Variants in LTBP4 observed in about 807,000 individuals in gnomAD.
LTBP4 encodes latent-transforming growth factor beta-binding protein 4.
LTBP4 carries 93 observed loss-of-function variants against 180.2 expected under a neutral mutation model. That is an observed-to-expected ratio of 0.52 (90% CI 0.44 to 0.61). LTBP4 has a LOEUF of 0.61. Among genes scored for constraint, LTBP4 ranks in the 20% least tolerant of loss-of-function variants. The pLI is 0.00. For missense variants in LTBP4, 2,116 were observed against 2,256.5 expected (o/e 0.94, Z 1.26); for synonymous variants, 947 against 934.5 (o/e 1.01, Z -0.24).
chr19:40,622,983 G>A lies in LTBP4; in HGVS notation c.3518G>A (p.Gly1173Asp). 6.2e-7 allele frequency: 1 copy of A among 1,613,030 alleles called. No individual in the cohort carries two copies. The highest frequency in any genetic ancestry group is 8.5e-7 in the Non-Finnish European group (1 of 1,179,606). The change falls in exon 24 of 30, where the codon GGC becomes GAC. Residue 1173 changes from glycine to aspartate, a missense_variant. By Grantham distance (94) the Gly-to-Asp change is moderately conservative. Around this residue, in one of 5 missense-constraint regions of LTBP4, gnomAD observed 278 missense variants for 373.0 expected, o/e 0.75. Coordinates refer to ENST00000396819, the MANE Select transcript of LTBP4 (RefSeq NM_001042545.2). The surrounding 1 kb of genome is among the most constrained non-coding windows in gnomAD (Gnocchi z 5.1). Reference protein sequence around the residue: ...EYQSLCPHGRGYLAPSGDLSL... With the variant: ...EYQSLCPHGRDYLAPSGDLSL... ...CAGTCATTGTGCCCTCACGGCCGGG[G>A]CTACCTGGCGCCCAGTGGAGACCTG...
chr19:40,616,935 G>A lies in LTBP4; in HGVS notation c.2859G>A (p.Gln953=), dbSNP rs1356309842. 4 of 1,614,028 alleles carry A rather than the reference G, an allele frequency of 2.5e-6. No homozygotes were observed. Among genetic ancestry groups the A allele is most frequent in the Non-Finnish European group, 3.4e-6 (4 of 1,179,894 alleles). Residue 953 remains glutamine, a synonymous_variant, in exon 20 of 30, where the codon CAG becomes CAA. Coordinates refer to ENST00000396819, the MANE Select transcript of LTBP4 (RefSeq NM_001042545.2). ...ATGGTCCCGAGATTTGTGGAGCCCA[G>A]CGTTGTGAGAACACCCCTGGCTCCT... is the stretch of plus-strand genomic sequence containing the variant. ...QEYGPEICGA[Q]RCENTPGSYR... is the part of the protein sequence containing the mutation.
In LTBP4 at chr19:40,605,439, C is replaced by T. The variant is rs564816866; in HGVS notation, c.477C>T (p.His159=). The part of the protein sequence containing the change: ...VASMVSVHVE[H]PQEASVVVHQ... ...CTATGGTGAGCGTCCACGTGGAGCA[C>T]CCGCAGGAGGCGTCGGTGGTGGTGC... Residue 159 remains histidine, a synonymous_variant, in exon 3 of 30, where the codon CAC becomes CAT. Transcript: ENST00000396819. This position sits in a 1 kb window ranked among gnomAD's most constrained non-coding sequence, Gnocchi z 5.5. The T allele has an allele frequency of 6.9e-5, 111 of 1,612,866 alleles. No homozygotes were observed. Among genetic ancestry groups the T allele is most frequent in the Middle Eastern group, 4.9e-4 (3 of 6,062 alleles).
chr19:40,627,869 C>T lies in LTBP4; in HGVS notation c.4519+12C>T, dbSNP rs1362344828. ...CATGGCCTGCGTTGGTGAGGGCGGG[C>T]CCGGGGCCAGCATGCGCAGGGAGAG... On this transcript the variant is annotated intron_variant, in intron 29 of 29. Transcript: ENST00000396819. The T allele has an allele frequency of 1.3e-6, 2 of 1,554,444 alleles. No homozygotes were observed. Among genetic ancestry groups the T allele is most frequent in the South Asian group, 1.2e-5 (1 of 85,158 alleles).
Position 40,607,451 on chromosome 19 carries a change from A to G in LTBP4, c.1078A>G (p.Thr360Ala). Residue 360 changes from threonine to alanine, a missense_variant, in exon 7 of 30, where the codon ACT becomes GCT. Thr to Ala is a moderately conservative substitution (Grantham distance 58, BLOSUM62 0). This residue lies in a region of LTBP4 where 469 missense variants were observed against 532.5 expected (regional missense o/e 0.88). Transcript: ENST00000396819. ...GCSLPILRNI[T>A]KQICCCSRVG... The stretch of plus-strand genomic sequence containing the variant: ...TTCGCTGCCCATTCTGCGGAACATC[A>G]CTAAACAGATCTGCTGCTGCAGCCG... 1 of 1,613,438 alleles carries G rather than the reference A, an allele frequency of 6.2e-7. No homozygotes were observed. The highest frequency in any genetic ancestry group is 1.1e-5 in the South Asian group (1 of 90,996).
At chr19:40,618,553 G>A (rs142730247) in intron 21 of LTBP4, among the ~76,000 whole-genome samples, 5 of 151,940 alleles carry the variant, frequency 3.3e-5, no homozygotes, top group Admixed American at 6.6e-5. Flanking sequence ...GAGCCACCAC[G>A]CCTGGCCTGT....
chr19:40,629,462 C>G lies in LTBP4; in HGVS notation c.4586C>G (p.Thr1529Arg). 3 of 1,610,988 alleles carry G rather than the reference C, an allele frequency of 1.9e-6. No individual in the cohort carries two copies. Among genetic ancestry groups the G allele is most frequent in the East Asian group, 2.2e-5 (1 of 44,744 alleles). Residue 1529 changes from threonine (T) to arginine (R), a missense_variant, in exon 30 of 30, where the codon ACG becomes AGG. Physicochemically the swap from Thr to Arg is moderately conservative, Grantham distance 71. Around this residue, in one of 5 missense-constraint regions of LTBP4, gnomAD observed 488 missense variants for 458.8 expected, o/e 1.06. Transcript: ENST00000396819. The surrounding 1 kb of genome is among the most constrained non-coding windows in gnomAD (Gnocchi z 4.5). ...TGCGTCAACGCGCGTTGCCTCAACA[C>G]GGATGGCTCCTTCCGCTGCATCTGC... The part of the protein sequence containing the change: ...PLCVNARCLN[T>R]DGSFRCICRP...
rs1490952491 is a variant in LTBP4 at position 40,624,077 on chromosome 19, G to A, written c.3827G>A (p.Ser1276Asn). Residue 1276 changes from serine to asparagine, a missense_variant, in exon 26 of 30, where the codon AGC (serine) becomes AAC (asparagine). Around this residue, in one of 5 missense-constraint regions of LTBP4, gnomAD observed 488 missense variants for 458.8 expected, o/e 1.06. Coordinates refer to ENST00000396819, the MANE Select transcript of LTBP4 (RefSeq NM_001042545.2). ...CGCTGCGTCTCCAACGAGAGCCAGA[G>A]CCTCGGTAACCCCGCCCACGCCATC... ...QRRCVSNESQSLDDNLGVCWQ... is the reference protein window; with the variant it reads ...QRRCVSNESQNLDDNLGVCWQ... 1 of 1,559,990 alleles carries A rather than the reference G, an allele frequency of 6.4e-7. No individual in the cohort carries two copies.
rs1346035944 is a variant in LTBP4 at position 40,612,078 on chromosome 19, G to T, written c.2185G>T (p.Asp729Tyr). The T allele has an allele frequency of 6.2e-7, 1 of 1,613,396 alleles. No homozygotes were observed. The highest frequency in any genetic ancestry group is 8.5e-7 in the Non-Finnish European group (1 of 1,179,734). Residue 729 changes from aspartate (D) to tyrosine (Y), a missense_variant, in exon 15 of 30, where the codon GAT (aspartate) becomes TAT (tyrosine). This residue lies in a region of LTBP4 where 877 missense variants were observed against 873.6 expected (regional missense o/e 1.00). Coordinates refer to ENST00000396819, the MANE Select transcript of LTBP4 (RefSeq NM_001042545.2). ...CCCTCTCCCCTGCCCCCCAGATGTG[G>T]ATGAGTGTGAGAACCACCTCGCATG... ...NTAGSECEDV[D>Y]ECENHLACPG...
chr19:40,605,449 G>GC lies in LTBP4; in HGVS notation c.488dup (p.Ser164ValfsTer20). ...CGTCCACGTGGAGCACCCGCAGGAGGCGTCGGTGGTGGTGCACCAGGTGGA... is the reference window on the plus strand; with the variant it reads ...CGTCCACGTGGAGCACCCGCAGGAGGCCGTCGGTGGTGGTGCACCAGGTGGA... On this transcript the variant is annotated frameshift_variant, in exon 3 of 30. Transcript: ENST00000396819. LOFTEE classifies it high-confidence loss of function. The surrounding 1 kb of genome is among the most constrained non-coding windows in gnomAD (Gnocchi z 5.5). The GC allele has an allele frequency of 6.2e-7, 1 of 1,612,784 alleles. No individual in the cohort carries two copies. The highest frequency in any genetic ancestry group is 8.5e-7 in the Non-Finnish European group (1 of 1,179,868).
intron 9 of LTBP4, chr19:40,608,865 C>T (rs976736087): frequency 2.1e-5 from 5 of 243,452 alleles, no homozygotes; most frequent in African/African-American, 2.7e-5. Flanking sequence ...GAGCTGAGAT[C>T]GTGCCATTGC....
At position 40,610,451 on chromosome 19, in the gene LTBP4, C is replaced by G. The variant is rs2081497285; in HGVS notation, c.1685-81C>G. 4 of 1,493,680 alleles carry G rather than the reference C, an allele frequency of 2.7e-6. No homozygotes were observed. The Admixed American group carries it at 8.1e-5, about 30-fold the overall frequency. 92.5% of individuals were successfully genotyped at this position (1,493,680 alleles called of 1,614,324 possible). Reference sequence around the variant, plus strand: ...TGGCCCAAGCTTGGTCCCGCTCCCGCTTCCCTCTACCCCTGCCTCCTTGCG... The same window carrying G: ...TGGCCCAAGCTTGGTCCCGCTCCCGGTTCCCTCTACCCCTGCCTCCTTGCG... On this transcript the variant is annotated intron_variant, in intron 11 of 29. Coordinates refer to ENST00000396819, the MANE Select transcript of LTBP4 (RefSeq NM_001042545.2).
chr19:40,610,198 T>C, intron 11 of LTBP4: 1 of 491,238 alleles, frequency 2.0e-6, no homozygotes, highest in South Asian at 3.3e-5. Context: ...GCCACTGTCC[T>C]GCAACTGCGG....
Position 40,613,721 on chromosome 19 carries a change from G to T in LTBP4, c.2557+192G>T. 8.2e-7 allele frequency: 1 copy of T among 1,215,830 alleles called. No individual in the cohort carries two copies. The highest frequency in any genetic ancestry group is 1.2e-6 in the Non-Finnish European group (1 of 861,312). The allele number at this position is 1,215,830 out of a possible 1,614,324, so 75.3% of individuals were successfully genotyped here. A position where few individuals can be genotyped will look rare whatever the true frequency, so the allele number is the denominator to read the frequency against. ...CGTGGAGATGAAAGGGCCGAGTCTG[G>T]GTATTTGGACCGTGATTGTAAAGAA... is the stretch of plus-strand genomic sequence containing the variant. On this transcript the variant is annotated intron_variant, in intron 17 of 29. Coordinates refer to ENST00000396819, the MANE Select transcript of LTBP4 (RefSeq NM_001042545.2). The surrounding 1 kb of genome is among the most constrained non-coding windows in gnomAD (Gnocchi z 5.0).
chr19:40,607,283 A>AAACCC, intron 6 of LTBP4, 82 bp from the exon 7 acceptor site: 2 of 1,132,924 alleles, frequency 1.8e-6, no homozygotes, highest in Non-Finnish European at 2.5e-6. Context: ...CAACCCCAGA[A>AAACCC]CCATTCCCCT....
chr19:40,619,344 C>G lies in LTBP4; in HGVS notation c.3071-3C>G. 6.2e-7 allele frequency: 1 copy of G among 1,613,174 alleles called. No homozygotes were observed. The highest frequency in any genetic ancestry group is 1.3e-5 in the African/African-American group (1 of 75,040). Reference sequence around the variant, plus strand: ...CCTCTCCCCTGTTGTCTCCTGCTTACAGATGTGAACGAGTGTGAAACACTA... The same window carrying G: ...CCTCTCCCCTGTTGTCTCCTGCTTAGAGATGTGAACGAGTGTGAAACACTA... On this transcript the variant is annotated splice_polypyrimidine_tract_variant and splice_region_variant and intron_variant, in intron 21 of 29. Coordinates refer to ENST00000396819, the MANE Select transcript of LTBP4 (RefSeq NM_001042545.2).
chr19:40,620,768 A>C (rs1464582962), intron 22 of LTBP4, among the ~76,000 whole-genome samples: 30 of 20,510 alleles, frequency 1.5e-3, no homozygotes, highest in South Asian at 3.0e-3. Flanking sequence ...ACTCCGTCCC[A>C]AAAAAAAAAA....
At chr19:40,600,121 GC>G, upstream of LTBP4, 1 of 1,258,976 alleles carries the variant, frequency 7.9e-7, no homozygotes, top group Non-Finnish European at 1.0e-6. This position sits in a 1 kb window ranked among gnomAD's most constrained non-coding sequence, Gnocchi z 4.4. Context: ...GGGCCAGGGG[GC>G]CGGGGACTAC....
At chr19:40,601,357 C>A, upstream of LTBP4, 2 of 1,123,688 alleles carry the variant, frequency 1.8e-6, no homozygotes, top group Non-Finnish European at 2.2e-6. Flanking sequence ...CGGGCTGGGG[C>A]GGCGGCGCGG....
At chr19:40,625,261 TA>T (rs2081617070) in intron 26 of LTBP4, among the ~76,000 whole-genome samples, 2 of 1,564 alleles carry the variant, frequency 1.3e-3, no homozygotes, top group Admixed American at 4.8e-3. Context: ...TTTATATATA[TA>T]TATATATATA....
Sources: allele counts gnomAD v4.1 joint callset (sites outside exome capture counted in the v4.1 genomes callset), GRCh38; gene constraint gnomAD v4.1.1; regional missense constraint gnomAD v4.1.1; non-coding constraint Gnocchi (gnomAD v3.1); transcripts MANE v1.5; gene names NCBI Gene and HGNC (gene_info 2026-07-23, HGNC 2026-07-21).